ARAP1: variants seen among roughly 807,000 people sequenced by gnomAD.
ARAP1 encodes ArfGAP with RhoGAP domain, ankyrin repeat and PH domain 1, also known as arf-GAP with Rho-GAP domain, ANK repeat and PH domain-containing protein 1.
ARAP1 carries 76 observed loss-of-function variants against 172.2 expected under a neutral mutation model. The observed-to-expected ratio is 0.44, with a 90% CI of 0.37 to 0.53. ARAP1 has a LOEUF of 0.53. ARAP1 is among the 20% of genes least tolerant of loss of function. The probability of loss-of-function intolerance (pLI) is 0.00; values close to 1 mark genes in which losing one functional copy is unlikely to be tolerated. For missense variants in ARAP1, 1,686 were observed against 1,977.5 expected (o/e 0.85, Z 2.80); for synonymous variants, 804 against 803.3 (o/e 1.00, Z -0.01).
intron 4 of ARAP1, among the ~76,000 whole-genome samples, chr11:72,713,800 T>G (rs564831494): frequency 1.3e-5 from 2 of 149,312 alleles, no homozygotes; most frequent in African/African-American, 5.0e-5. Flanking sequence ...TGGGCGGAGA[T>G]TGCACCACTG....
chr11:72,710,968 C>T lies in ARAP1; in HGVS notation c.1213+53G>A. The T allele has an allele frequency of 6.2e-7, 1 of 1,607,576 alleles. No individual in the cohort carries two copies. The highest frequency in any genetic ancestry group is 8.5e-7 in the Non-Finnish European group (1 of 1,175,230). ...TCTTCCCCCTCCTCTGCCCAAACTT[C>T]CAGTCTTCTCTACCCTCTTCTACAC... On this transcript the variant is annotated intron_variant, in intron 9 of 34. Transcript: ENST00000393609. This position sits in a 1 kb window ranked among gnomAD's most constrained non-coding sequence, Gnocchi z 4.3.
At chr11:72,703,909 A>G (rs1053772436) in intron 14 of ARAP1, 1 of 545,896 alleles carries the variant, frequency 1.8e-6, no homozygotes, top group Non-Finnish European at 3.2e-6. Context: ...AGGAATTGGG[A>G]GAGAGACAGA....
Position 72,712,447 on chromosome 11 carries a change from C to T in ARAP1, c.869G>A (p.Gly290Asp), listed in dbSNP as rs1435035389. Reference protein sequence around the residue: ...DEEEDDHAYEGVPNGGWHTSS... With the variant: ...DEEEDDHAYEDVPNGGWHTSS... The stretch of plus-strand genomic sequence containing the variant: ...GTGGCCGGACACTCACTTGGGGACG[C>T]CCTCATAGGCGTGGTCATCCTCTTC... Residue 290 changes from glycine (G) to aspartate (D), a missense_variant, in exon 6 of 35, where the codon GGC becomes GAC. This residue lies in a region of ARAP1 where 688 missense variants were observed against 856.9 expected (regional missense o/e 0.80). Coordinates refer to ENST00000393609, the MANE Select transcript of ARAP1 (RefSeq NM_001040118.3). 1.3e-6 allele frequency: 2 copies of T among 1,583,602 alleles called. No individual in the cohort carries two copies. The highest frequency in any genetic ancestry group is 3.4e-5 in the Admixed American group (2 of 58,368).
intron 3 of ARAP1, chr11:72,722,151 CAGAGAGAG>C (rs3029807): frequency 5.2e-6 from 5 of 960,086 alleles, no homozygotes; most frequent in Non-Finnish European, 4.9e-6. Context: ...GAGGAAAGGA[CAGAGAGAG>C]AGAGAGAGAG....
In ARAP1 at chr11:72,685,479, G is replaced by T; in HGVS notation, c.*185C>A. On this transcript the variant is annotated 3_prime_UTR_variant, in exon 35 of 35. Coordinates refer to ENST00000393609, the MANE Select transcript of ARAP1 (RefSeq NM_001040118.3). Reference sequence around the variant, plus strand: ...GTTGGGAGAGGTTCCTGCCCAGGCTGACCCCTGCTGCCTCCCACCCCTGCC... The same window carrying T: ...GTTGGGAGAGGTTCCTGCCCAGGCTTACCCCTGCTGCCTCCCACCCCTGCC... 1 of 777,244 alleles carries T rather than the reference G, an allele frequency of 1.3e-6. No homozygotes were observed. The highest frequency in any genetic ancestry group is 2.1e-6 in the Non-Finnish European group (1 of 479,736). The allele number at this position is 777,244 out of a possible 1,614,324, so 48.1% of individuals were successfully genotyped here.
At position 72,726,922 on chromosome 11, in the gene ARAP1, G is replaced by C. The variant is rs753280473; in HGVS notation, c.207C>G (p.Thr69=). ...TGGGGCGGGGTGCAGGGGCCGGTGA[G>C]GTATGGGCACGGAGCAGGCCAGCCA... ...RILAGLLRAH[T]SPAPAPRPTP... is the part of the protein sequence containing the mutation. The change falls in exon 3 of 35, where the codon ACC becomes ACG. Residue 69 remains threonine, a synonymous_variant. Transcript: ENST00000393609. The surrounding 1 kb of genome is among the most constrained non-coding windows in gnomAD (Gnocchi z 6.5). 2.4e-5 allele frequency: 38 copies of C among 1,592,262 alleles called. No individual in the cohort carries two copies. Among genetic ancestry groups the C allele is most frequent in the Non-Finnish European group, 3.2e-5 (38 of 1,169,562 alleles).
rs369356278 is a variant in ARAP1 at position 72,693,841 on chromosome 11, C to T, written c.3695-36G>A. 12 of 1,531,308 alleles carry T rather than the reference C, an allele frequency of 7.8e-6. No homozygotes were observed. The African/African-American group carries it at 1.4e-4, about 17-fold the overall frequency. The allele number at this position is 1,531,308 out of a possible 1,614,324, so 94.9% of individuals were successfully genotyped here. Reference sequence around the variant, plus strand: ...GTCACACCTACCGTCACTGGGACCACATGGCCCGATACCACCAAAGGCTGG... The same window carrying T: ...GTCACACCTACCGTCACTGGGACCATATGGCCCGATACCACCAAAGGCTGG... On this transcript the variant is annotated intron_variant, in intron 27 of 34. Transcript: ENST00000393609. This position sits in a 1 kb window ranked among gnomAD's most constrained non-coding sequence, Gnocchi z 4.6.
intron 2 of ARAP1, among the ~76,000 whole-genome samples, chr11:72,728,312 C>T (rs1006737270): frequency 3.3e-5 from 5 of 152,088 alleles, no homozygotes; most frequent in African/African-American, 4.8e-5. Flanking sequence ...ACAGACTGGC[C>T]GGGCACAACT....
intron 3 of ARAP1, among the ~76,000 whole-genome samples, chr11:72,717,688 G>A (rs756472711): frequency 1.2e-4 from 19 of 152,212 alleles, no homozygotes; most frequent in Non-Finnish European, 2.8e-4. Flanking sequence ...GTGTGTATGC[G>A]TGTCTACATG....
At chr11:72,712,630 G>C (rs1412324184) in intron 5 of ARAP1, 62 bp from the exon 6 acceptor site, 1 of 1,605,012 alleles carries the variant, frequency 6.2e-7, no homozygotes, top group South Asian at 1.1e-5. Context: ...ACCCACCCGG[G>C]GCTGCCACGC....
intron 1 of ARAP1, among the ~76,000 whole-genome samples, chr11:72,738,381 A>G (rs1410783619): frequency 2.0e-5 from 3 of 152,146 alleles, no homozygotes; most frequent in African/African-American, 7.2e-5. Flanking sequence ...GGGCAGCCTT[A>G]AAGGTCCTAA....
At chr11:72,698,161 A>G (rs934363059) in intron 18 of ARAP1, 55 bp from the exon 19 acceptor site, 18 of 1,505,800 alleles carry the variant, frequency 1.2e-5, no homozygotes, top group African/African-American at 2.8e-5. Context: ...GCCTGCCCCA[A>G]TGCCCCAGCT....
chr11:72,710,939 A>T lies in ARAP1; in HGVS notation c.1213+82T>A. On this transcript the variant is annotated intron_variant, in intron 9 of 34. Transcript: ENST00000393609. This position sits in a 1 kb window ranked among gnomAD's most constrained non-coding sequence, Gnocchi z 4.3. ...GATGTGAGAGGGCAGATGCACCATG[A>T]CTCTCTTCCCCCTCCTCTGCCCAAA... The T allele has an allele frequency of 6.3e-7, 1 of 1,575,728 alleles. No homozygotes were observed.
At chr11:72,686,961 T>G (rs564272077) in intron 33 of ARAP1, among the ~76,000 whole-genome samples, 24 of 152,364 alleles carry the variant, frequency 1.6e-4, no homozygotes, top group African/African-American at 5.5e-4. Context: ...CTGTGCTGAC[T>G]TCCAGCACTC....
chr11:72,712,621 C>G, intron 5 of ARAP1, 53 bp from the exon 6 acceptor site: 1 of 1,607,136 alleles, frequency 6.2e-7, no homozygotes, highest in Non-Finnish European at 8.5e-7. Context: ...ACAGATCACA[C>G]CCACCCGGGG....
intron 30 of ARAP1, among the ~76,000 whole-genome samples, chr11:72,692,397 G>A (rs1855978113): frequency 6.6e-6 from 1 of 152,192 alleles, no homozygotes; most frequent in Non-Finnish European, 1.5e-5. Flanking sequence ...CTGGAACACT[G>A]TCCAGGGTTG....
chr11:72,690,029 C>T (rs186732738), intron 30 of ARAP1, among the ~76,000 whole-genome samples: 4 of 152,240 alleles, frequency 2.6e-5, no homozygotes, highest in Admixed American at 2.6e-4. Context: ...GATTCGGCTG[C>T]AGGCATGGAA....
intron 27 of ARAP1, among the ~76,000 whole-genome samples, 169 bp downstream of exon 27, chr11:72,694,811 C>T (rs1018407451): frequency 2.6e-5 from 4 of 152,156 alleles, no homozygotes; most frequent in African/African-American, 9.7e-5. Flanking sequence ...AACCTCAATC[C>T]CTGCCAGCAC....
chr11:72,742,719 T>G (rs976528469), intron 1 of ARAP1, among the ~76,000 whole-genome samples: 4 of 152,186 alleles, frequency 2.6e-5, no homozygotes, highest in African/African-American at 7.2e-5. Context: ...GATTTGGGAA[T>G]TCAACTAACT....
Sources: gnomAD v4.1 joint callset for allele counts (sites outside exome capture counted in the v4.1 genomes callset) on GRCh38, gnomAD v4.1.1 for gene constraint, gnomAD v4.1.1 regional missense constraint, Gnocchi (gnomAD v3.1) non-coding constraint, MANE v1.5 for transcripts, NCBI Gene and HGNC (gene_info 2026-07-23, HGNC 2026-07-21) for gene names.